USP12: variants seen among roughly 807,000 people sequenced by gnomAD.
USP12 encodes ubiquitin specific peptidase 12, also known as ubiquitin carboxyl-terminal hydrolase 12.
In USP12, 19 loss-of-function variants were observed where a neutral mutation model predicts 45.5. The ratio of observed to expected loss-of-function variants is 0.42; its 90% CI spans 0.29 to 0.61. The LOEUF (loss-of-function observed/expected upper bound fraction) is 0.61, where lower values mean the gene tolerates loss of function less well. Ranked by LOEUF, USP12 falls within the 20% of genes least tolerant of loss-of-function variation. The pLI is 0.22. For synonymous variants in USP12, 149 were observed against 148.8 expected (o/e 1.00, Z -0.01); for missense variants, 242 against 447.7 (o/e 0.54, Z 4.15).
chr13:27,104,665 C>G (rs770194065), intron 3 of USP12, among the ~76,000 whole-genome samples: 2 of 152,138 alleles, frequency 1.3e-5, no homozygotes, highest in Non-Finnish European at 2.9e-5. Context: ...GTATCAAATT[C>G]AAGAATAATA....
intron 1 of USP12, among the ~76,000 whole-genome samples, chr13:27,145,095 A>G (rs1877253457): frequency 6.6e-6 from 1 of 152,138 alleles, no homozygotes; most frequent in African/African-American, 2.4e-5. Flanking sequence ...CTTGAACACA[A>G]GTCTTGGGCT....
At chr13:27,144,318 A>AC (rs1877208305) in intron 1 of USP12, among the ~76,000 whole-genome samples, 2 of 152,066 alleles carry the variant, frequency 1.3e-5, no homozygotes, top group Non-Finnish European at 2.9e-5. Flanking sequence ...ACACAGTGAG[A>AC]CCCCTACCTC....
chr13:27,160,984 C>T (rs1437878315), intron 1 of USP12, among the ~76,000 whole-genome samples: 4 of 152,044 alleles, frequency 2.6e-5, no homozygotes, highest in Non-Finnish European at 5.9e-5. Context: ...TGTAGCGTTC[C>T]CCTCCACAAA....
intron 6 of USP12, among the ~76,000 whole-genome samples, chr13:27,080,681 T>C (rs1272148528): frequency 6.6e-6 from 1 of 152,178 alleles, no homozygotes; most frequent in Non-Finnish European, 1.5e-5. Flanking sequence ...CAGGCATATC[T>C]TGGACACGCA....
intron 1 of USP12, among the ~76,000 whole-genome samples, chr13:27,151,190 G>C (rs1877552079): frequency 6.6e-6 from 1 of 151,876 alleles, no homozygotes; most frequent in Non-Finnish European, 1.5e-5. Context: ...AATTAGCTGG[G>C]CATGGTAGCG....
At chr13:27,110,389 C>T (rs1226419044) in intron 2 of USP12, among the ~76,000 whole-genome samples, 2 of 152,192 alleles carry the variant, frequency 1.3e-5, no homozygotes, top group East Asian at 1.9e-4. Context: ...TAAAACAAAG[C>T]TCTGCTATGT....
chr13:27,155,960 T>A (rs1009389611), intron 1 of USP12, among the ~76,000 whole-genome samples: 3 of 152,190 alleles, frequency 2.0e-5, no homozygotes, highest in Admixed American at 6.5e-5. Context: ...TCAATGTTTT[T>A]AAAAATATTT....
chr13:27,161,493 C>T (rs1878105033), intron 1 of USP12, among the ~76,000 whole-genome samples: 1 of 151,876 alleles, frequency 6.6e-6, no homozygotes, highest in Admixed American at 6.6e-5. Flanking sequence ...CCCAGGTAGA[C>T]CAATACTGTA....
chr13:27,069,498 ACT>A, intron 8 of USP12, 114 bp from the exon 9 acceptor site: 1 of 786,090 alleles, frequency 1.3e-6, no homozygotes. Context: ...GGAAAATGGA[ACT>A]CTCACACACA....
chr13:27,106,491 A>G (rs1327247480), intron 2 of USP12, among the ~76,000 whole-genome samples: 1 of 152,148 alleles, frequency 6.6e-6, no homozygotes, highest in African/African-American at 2.4e-5. Flanking sequence ...TTTCCCTTCC[A>G]TTAATAAACA....
chr13:27,157,377 C>T (rs191306019), intron 1 of USP12, among the ~76,000 whole-genome samples: 101 of 152,142 alleles, frequency 6.6e-4, no homozygotes, highest in African/African-American at 2.4e-3. Flanking sequence ...CATAATTCCC[C>T]GTCATTACTT....
chr13:27,118,780 G>C (rs1875856154), intron 1 of USP12, among the ~76,000 whole-genome samples: 1 of 152,114 alleles, frequency 6.6e-6, no homozygotes, highest in Non-Finnish European at 1.5e-5. Flanking sequence ...GGCATTTCTG[G>C]CCTTTAAGAC....
At chr13:27,148,350 T>C (rs1159871914) in intron 1 of USP12, among the ~76,000 whole-genome samples, 2 of 145,592 alleles carry the variant, frequency 1.4e-5, no homozygotes, top group Non-Finnish European at 1.5e-5. Context: ...CTTCTCTTAA[T>C]TGATTTAAAA....
At chr13:27,104,685 C>T (rs1875044189) in intron 3 of USP12, among the ~76,000 whole-genome samples, 1 of 152,134 alleles carries the variant, frequency 6.6e-6, no homozygotes, top group African/African-American at 2.4e-5. Flanking sequence ...AGCCTATAGC[C>T]TATTTCTGGG....
chr13:27,158,360 C>T (rs73159790), intron 1 of USP12, among the ~76,000 whole-genome samples: 106 of 152,338 alleles, frequency 7.0e-4, no homozygotes, highest in Non-Finnish European at 1.3e-3. Flanking sequence ...ACCCTGTCGA[C>T]ATCCTGATTC....
intron 2 of USP12, among the ~76,000 whole-genome samples, chr13:27,114,700 A>G (rs1593191937): frequency 6.6e-6 from 1 of 152,104 alleles, no homozygotes; most frequent in African/African-American, 2.4e-5. Flanking sequence ...TCATTAAAGC[A>G]CTAAGAGCAA....
At chr13:27,074,703 G>A (rs1162947726) in intron 7 of USP12, among the ~76,000 whole-genome samples, 2 of 152,054 alleles carry the variant, frequency 1.3e-5, no homozygotes, top group Non-Finnish European at 2.9e-5. Context: ...ATACCATGTT[G>A]GAAAAGAAGA....
At chr13:27,167,912 G>A (rs905816116) in intron 1 of USP12, among the ~76,000 whole-genome samples, 3 of 152,056 alleles carry the variant, frequency 2.0e-5, no homozygotes, top group Non-Finnish European at 4.4e-5. Context: ...CAGTGAGACT[G>A]AGCAGTAAGA....
chr13:27,073,780 G>A (rs1193608035), intron 7 of USP12, among the ~76,000 whole-genome samples: 2 of 152,136 alleles, frequency 1.3e-5, no homozygotes, highest in African/African-American at 4.8e-5. Flanking sequence ...AAAGCAATGT[G>A]GTAATTAGTA....
Sources: allele counts gnomAD v4.1 joint callset (sites outside exome capture counted in the v4.1 genomes callset), GRCh38; gene constraint gnomAD v4.1.1; transcripts MANE v1.5; gene names NCBI Gene and HGNC (gene_info 2026-07-23, HGNC 2026-07-21).